Variants in GRIA1 observed in about 807,000 individuals in gnomAD.
The protein encoded by GRIA1 is glutamate receptor 1.
Under a neutral mutation model 99.2 loss-of-function variants are expected in GRIA1, and 31 were observed. The ratio of observed to expected loss-of-function variants is 0.31; its 90% CI spans 0.23 to 0.42. The LOEUF is 0.42. GRIA1 is among the 10% of genes least tolerant of loss of function. The probability of loss-of-function intolerance (pLI) is 1.00; values close to 1 mark genes in which losing one functional copy is unlikely to be tolerated. For missense variants in GRIA1, 782 were observed against 1,157.5 expected (o/e 0.68, Z 4.71); for synonymous variants, 438 against 432.4 (o/e 1.01, Z -0.16).
intron 2 of GRIA1, among the ~76,000 whole-genome samples, chr5:153,500,751 A>G (rs1323816140): frequency 3.3e-5 from 5 of 151,678 alleles, no homozygotes; most frequent in African/African-American, 1.2e-4. Flanking sequence ...TAGGATGTAG[A>G]TGGGAAAATA....
At chr5:153,590,355 A>T (rs965883121) in intron 2 of GRIA1, among the ~76,000 whole-genome samples, 1 of 152,152 alleles carries the variant, frequency 6.6e-6, no homozygotes, top group Non-Finnish European at 1.5e-5. Flanking sequence ...AGATATGGAA[A>T]CAGCAGCTTT....
In GRIA1 at chr5:153,769,947, C is replaced by T. The variant is rs528606353; in HGVS notation, c.2023-221C>T. On this transcript the variant is annotated intron_variant, in intron 12 of 15. Coordinates refer to ENST00000285900, the MANE Select transcript of GRIA1 (RefSeq NM_000827.4). ...AATTACTCAGAAGTAATTAAAAGAT[C>T]TGAGCTATTCTGTTCATTCTGAATT... 2.6e-5 allele frequency among the ~76,000 whole-genome samples: 4 copies of T among 152,200 alleles called. No individual in the cohort carries two copies. In the South Asian group the frequency reaches 8.3e-4, roughly 32 times the overall value.
intron 14 of GRIA1, among the ~76,000 whole-genome samples, chr5:153,795,762 T>C (rs1261787954): frequency 1.3e-5 from 2 of 152,122 alleles, no homozygotes; most frequent in African/African-American, 4.8e-5. Flanking sequence ...AGCACGCCAG[T>C]GTTTCCCAAC....
At chr5:153,574,456 T>C (rs1347747832) in intron 2 of GRIA1, 4 of 152,172 alleles carry the variant, frequency 2.6e-5, no homozygotes, top group Admixed American at 6.5e-5. Context: ...TATAAGCCTC[T>C]TTTTAACTTT....
In GRIA1 at chr5:153,491,860, C is replaced by A. The variant is rs903455502; in HGVS notation, c.82+890C>A. Among the ~76,000 whole-genome samples, 5 of 152,132 alleles carry A rather than the reference C, an allele frequency of 3.3e-5. No homozygotes were observed. In the East Asian group the frequency reaches 9.6e-4, roughly 29 times the overall value. On this transcript the variant is annotated intron_variant, in intron 1 of 15. Coordinates refer to ENST00000285900, the MANE Select transcript of GRIA1 (RefSeq NM_000827.4). ...CTTAGTTGTTACACTTCTCAAAGGCCCCGCCACCCTCCCTGTATTTCTGAG... is the reference window on the plus strand; with the variant it reads ...CTTAGTTGTTACACTTCTCAAAGGCACCGCCACCCTCCCTGTATTTCTGAG...
chr5:153,686,388 C>T, intron 8 of GRIA1, 59 bp downstream of exon 8: 1 of 1,284,954 alleles, frequency 7.8e-7, no homozygotes, highest in Non-Finnish European at 1.1e-6. Context: ...GGACTCTGGC[C>T]AGAGCTGAGG....
intron 15 of GRIA1, among the ~76,000 whole-genome samples, chr5:153,806,968 C>T (rs1270010196): frequency 1.3e-5 from 2 of 152,342 alleles, no homozygotes; most frequent in African/African-American, 4.8e-5. Context: ...GCCACTTTTC[C>T]TAAATCTCTC....
chr5:153,802,342 C>T lies in GRIA1; in HGVS notation c.2386-14C>T, dbSNP rs1766098892. On this transcript the variant is annotated splice_polypyrimidine_tract_variant and intron_variant, in intron 14 of 15. Transcript: ENST00000285900. ...TCTTCCCCCTCCCCTTCCTTTCCCT[C>T]CTCCTCTTCTTAGGACAAGACAAGC... 1 of 1,613,460 alleles carries T rather than the reference C, an allele frequency of 6.2e-7. No homozygotes were observed. The highest frequency in any genetic ancestry group is 8.5e-7 in the Non-Finnish European group (1 of 1,179,554).
At chr5:153,587,707 C>T (rs1763614699) in intron 2 of GRIA1, among the ~76,000 whole-genome samples, 1 of 152,218 alleles carries the variant, frequency 6.6e-6, no homozygotes, top group Non-Finnish European at 1.5e-5. Context: ...ATTCATTCAA[C>T]ATACGCTGAG....
At chr5:153,810,529 A>G (rs1235804342) in intron 15 of GRIA1, among the ~76,000 whole-genome samples, 1 of 152,204 alleles carries the variant, frequency 6.6e-6, no homozygotes, top group African/African-American at 2.4e-5. Context: ...TTCTTGCTAT[A>G]ATAACAGTGT....
At position 153,708,360 on chromosome 5, in the gene GRIA1, A is replaced by G. The variant is rs377146867; in HGVS notation, c.1823+2293A>G. Among the ~76,000 whole-genome samples the G allele has an allele frequency of 3.6e-4, 55 of 152,204 alleles. 1 individual carries two copies. In the South Asian group the frequency reaches 0.011, roughly 31 times the overall value. On this transcript the variant is annotated intron_variant, in intron 11 of 15. Transcript: ENST00000285900. Reference sequence around the variant, plus strand: ...TTTGAGTTTGTGACCTCTGGCTGCAAGAGGATTTTCAAACTATGCTTTCCG... The same window carrying G: ...TTTGAGTTTGTGACCTCTGGCTGCAGGAGGATTTTCAAACTATGCTTTCCG...
intron 2 of GRIA1, among the ~76,000 whole-genome samples, chr5:153,606,172 C>G (rs1280189286): frequency 6.6e-6 from 1 of 152,056 alleles, no homozygotes; most frequent in Admixed American, 6.6e-5. Flanking sequence ...CAGTTGTCAG[C>G]ATCATTTATT....
chr5:153,619,988 T>TAAAA (rs1766878642), intron 2 of GRIA1, among the ~76,000 whole-genome samples: 1 of 152,218 alleles, frequency 6.6e-6, no homozygotes, highest in African/African-American at 2.4e-5. Context: ...GTTCTTTCCA[T>TAAAA]TCCTGACATT....
At chr5:153,714,236 A>G (rs1208271553) in intron 11 of GRIA1, among the ~76,000 whole-genome samples, 1 of 152,160 alleles carries the variant, frequency 6.6e-6, no homozygotes, top group Non-Finnish European at 1.5e-5. Flanking sequence ...AAGCATGCCT[A>G]GATTCAGCTT....
chr5:153,764,463 T>G lies in GRIA1; in HGVS notation c.1853T>G (p.Val618Gly). 6.2e-7 allele frequency: 1 copy of G among 1,614,030 alleles called. No individual in the cohort carries two copies. Among genetic ancestry groups the G allele is most frequent in the Non-Finnish European group, 8.5e-7 (1 of 1,179,934 alleles). ...RSLSGRIVGG[V>G]WWFFTLIIIS... Reference sequence around the variant, plus strand: ...CTGTCTGGTCGCATCGTTGGTGGCGTCTGGTGGTTCTTCACCTTAATCATC... The same window carrying G: ...CTGTCTGGTCGCATCGTTGGTGGCGGCTGGTGGTTCTTCACCTTAATCATC... Residue 618 changes from valine (V) to glycine (G), a missense_variant, in exon 12 of 16, where the codon GTC becomes GGC. Physicochemically the swap from Val to Gly is moderately radical, Grantham distance 109. Coordinates refer to ENST00000285900, the MANE Select transcript of GRIA1 (RefSeq NM_000827.4).
intron 2 of GRIA1, among the ~76,000 whole-genome samples, chr5:153,628,353 C>CT (rs892818014): frequency 6.6e-6 from 1 of 152,238 alleles, no homozygotes; most frequent in Non-Finnish European, 1.5e-5. Flanking sequence ...GAAGTTCAGA[C>CT]TGACCTGGCT....
intron 2 of GRIA1, among the ~76,000 whole-genome samples, chr5:153,515,634 T>C (rs1021285459): frequency 6.6e-6 from 1 of 151,346 alleles, no homozygotes; most frequent in African/African-American, 2.5e-5. Context: ...CACAAAGAAA[T>C]GACAAGTATG....
At chr5:153,529,142 T>TCACTTCTGCTTCACAATAAGAGG (rs1757873024) in intron 2 of GRIA1, among the ~76,000 whole-genome samples, 1 of 152,212 alleles carries the variant, frequency 6.6e-6, no homozygotes, top group African/African-American at 2.4e-5. Flanking sequence ...TTTATTCTAG[T>TCACTTCTGCTTCACAATAAGAGG]CACTTCTGCT....
chr5:153,794,794 C>T, intron 14 of GRIA1, 59 bp downstream of exon 14: 1 of 982,082 alleles, frequency 1.0e-6, no homozygotes, highest in South Asian at 1.4e-5. Context: ...GGCTGGTAAC[C>T]AGCAACTGTT....
Sources: gnomAD v4.1 joint callset for allele counts (sites outside exome capture counted in the v4.1 genomes callset) on GRCh38, gnomAD v4.1.1 for gene constraint, MANE v1.5 for transcripts, NCBI Gene and HGNC (gene_info 2026-07-23, HGNC 2026-07-21) for gene names.